Variants in USP6NL observed in about 807,000 individuals in gnomAD.
The protein encoded by USP6NL is USP6 N-terminal-like protein.
USP6NL carries 26 observed loss-of-function variants against 61.9 expected under a neutral mutation model. The observed-to-expected ratio is 0.42, with a 90% CI of 0.31 to 0.58. The LOEUF (loss-of-function observed/expected upper bound fraction) is 0.58, where lower values mean the gene tolerates loss of function less well. Among genes scored for constraint, USP6NL ranks in the 20% least tolerant of loss-of-function variants. The probability of loss-of-function intolerance (pLI) is 0.16; values close to 1 mark genes in which losing one functional copy is unlikely to be tolerated. For synonymous variants in USP6NL, 432 were observed against 390.1 expected, an observed-to-expected ratio of 1.11 and a Z score of -1.27; for missense variants, 1,114 against 1,034.3, an observed-to-expected ratio of 1.08 and a Z score of -1.06.
chr10:11,507,422 A>G (rs1591860378), intron 6 of USP6NL, among the ~76,000 whole-genome samples: 1 of 152,234 alleles, frequency 6.6e-6, no homozygotes, highest in Non-Finnish European at 1.5e-5. Context: ...AAACATCCTG[A>G]GTTCTAAACC....
At chr10:11,503,282 C>T (rs960163347) in intron 6 of USP6NL, among the ~76,000 whole-genome samples, 3 of 152,102 alleles carry the variant, frequency 2.0e-5, no homozygotes, top group East Asian at 1.9e-4. Flanking sequence ...GTAACATAAG[C>T]GCTCTGACAC....
At chr10:11,568,362 A>G (rs1246389728) in intron 2 of USP6NL, among the ~76,000 whole-genome samples, 1 of 152,176 alleles carries the variant, frequency 6.6e-6, no homozygotes, top group Non-Finnish European at 1.5e-5. Flanking sequence ...CATGACACAA[A>G]GACATTCGCT....
intron 14 of USP6NL, among the ~76,000 whole-genome samples, chr10:11,464,715 A>G (rs12356120): frequency 0.35 from 52,840 of 152,176 alleles, 9,673 homozygotes; most frequent in East Asian, 0.68. Flanking sequence ...GCCACAGGCA[A>G]ATCCTATTCT....
rs537842546 is a variant in USP6NL at position 11,468,538 on chromosome 10, G to A, written c.1079-4689C>T. Reference sequence around the variant, plus strand: ...AAATACACAGAGGCCCTTGGCTGGCGTTAGTTACAAGGACAGGGTAGGGAA... The same window carrying A: ...AAATACACAGAGGCCCTTGGCTGGCATTAGTTACAAGGACAGGGTAGGGAA... On this transcript the variant is annotated intron_variant, in intron 14 of 14. Coordinates refer to ENST00000609104, the MANE Select transcript of USP6NL (RefSeq NM_014688.5). This position sits in a 1 kb window ranked among gnomAD's most constrained non-coding sequence, Gnocchi z 4.5. Among the ~76,000 whole-genome samples the A allele has an allele frequency of 3.3e-4, 51 of 152,290 alleles. No homozygotes were observed. Among genetic ancestry groups the A allele is most frequent in the African/African-American group, 1.0e-3 (42 of 41,566 alleles).
In USP6NL at chr10:11,587,577, A is replaced by T. The variant is rs1461768802; in HGVS notation, c.4+10054T>A. Reference sequence around the variant, plus strand: ...AGAAAATGTATCAGGACAAAGAGGCACCAGGTTATGAGAACAGCTAATCTT... The same window carrying T: ...AGAAAATGTATCAGGACAAAGAGGCTCCAGGTTATGAGAACAGCTAATCTT... On this transcript the variant is annotated intron_variant, in intron 2 of 14. Coordinates refer to ENST00000609104, the MANE Select transcript of USP6NL (RefSeq NM_014688.5). This position sits in a 1 kb window ranked among gnomAD's most constrained non-coding sequence, Gnocchi z 4.5. Among the ~76,000 whole-genome samples, 1 of 152,234 alleles carries T rather than the reference A, an allele frequency of 6.6e-6. No individual in the cohort carries two copies. Among genetic ancestry groups the T allele is most frequent in the Non-Finnish European group, 1.5e-5 (1 of 68,042 alleles).
chr10:11,602,466 T>C lies in USP6NL; in HGVS notation c.-83-4749A>G, dbSNP rs1320498612. 6.6e-6 allele frequency among the ~76,000 whole-genome samples: 1 copy of C among 152,182 alleles called. No homozygotes were observed. The highest frequency in any genetic ancestry group is 1.9e-4 in the East Asian group (1 of 5,200). On this transcript the variant is annotated intron_variant, in intron 1 of 14. Coordinates refer to ENST00000609104, the MANE Select transcript of USP6NL (RefSeq NM_014688.5). The surrounding 1 kb of genome is among the most constrained non-coding windows in gnomAD (Gnocchi z 4.8). ...ATTCATTCAGTATTTACCGAGTAGC[T>C]ATTATGAGCCAGGCAGTGTACTAGG...
chr10:11,564,573 G>GCTTAATA (rs1283497131), intron 2 of USP6NL: 1 of 152,170 alleles, frequency 6.6e-6, no homozygotes, highest in Non-Finnish European at 1.5e-5. Flanking sequence ...TTGCCCTCAA[G>GCTTAATA]AAGCTCACAG....
chr10:11,527,404 G>T, intron 3 of USP6NL, 96 bp downstream of exon 3: 1 of 1,083,494 alleles, frequency 9.2e-7, no homozygotes. Flanking sequence ...TAAACAAACT[G>T]CTTCTGGAAT....
rs1224755684 is a variant in USP6NL, at chr10:11,562,352, G to A, written c.5-34785C>T. On this transcript the variant is annotated intron_variant, in intron 2 of 14. Transcript: ENST00000609104. The surrounding 1 kb of genome is among the most constrained non-coding windows in gnomAD (Gnocchi z 4.8). ...GTTCCGGCTGATGGCTTAAGGAAAAGCTTTTGCATTCCTTACACAGGTGAC... is the reference window on the plus strand; with the variant it reads ...GTTCCGGCTGATGGCTTAAGGAAAAACTTTTGCATTCCTTACACAGGTGAC... 1 of 981,002 alleles carries A rather than the reference G, an allele frequency of 1.0e-6. No individual in the cohort carries two copies. Among genetic ancestry groups the A allele is most frequent in the Non-Finnish European group, 1.2e-6 (1 of 826,068 alleles). The allele number at this position is 981,002 out of a possible 1,614,324, so 60.8% of individuals were successfully genotyped here.
chr10:11,557,854 C>T (rs1274442307), intron 2 of USP6NL, among the ~76,000 whole-genome samples: 1 of 152,192 alleles, frequency 6.6e-6, no homozygotes, highest in Non-Finnish European at 1.5e-5. Flanking sequence ...CAGTATTAGT[C>T]TGCTGGTCCA....
intron 2 of USP6NL, among the ~76,000 whole-genome samples, chr10:11,555,451 T>TATATATATATATATAG (rs1427219382): frequency 6.6e-5 from 4 of 60,998 alleles, no homozygotes; most frequent in Non-Finnish European, 1.1e-4. Context: ...TATATATATA[T>TATATATATATATATAG]AGAGAGAGAG....
intron 2 of USP6NL, among the ~76,000 whole-genome samples, chr10:11,566,391 C>T (rs368805885): frequency 1.3e-5 from 2 of 152,184 alleles, no homozygotes; most frequent in Non-Finnish European, 2.9e-5. Flanking sequence ...ATTTACCAAA[C>T]GCCACATATT....
Position 11,511,386 on chromosome 10 carries a change from C to T in USP6NL, c.196-1711G>A, listed in dbSNP as rs1834708380. On this transcript the variant is annotated intron_variant, in intron 5 of 14. Transcript: ENST00000609104. This position sits in a 1 kb window ranked among gnomAD's most constrained non-coding sequence, Gnocchi z 4.9. ...TAATTAATGTTTCTGCTAAATGTGACTTTAGAGAAGGCCAAGCTGTGAAAA... is the reference window on the plus strand; with the variant it reads ...TAATTAATGTTTCTGCTAAATGTGATTTTAGAGAAGGCCAAGCTGTGAAAA... 6.6e-6 allele frequency among the ~76,000 whole-genome samples: 1 copy of T among 152,164 alleles called. No individual in the cohort carries two copies.
At chr10:11,547,735 T>A (rs1836330067) in intron 2 of USP6NL, among the ~76,000 whole-genome samples, 1 of 151,974 alleles carries the variant, frequency 6.6e-6, no homozygotes, top group Admixed American at 6.6e-5. Flanking sequence ...AGAGACGGGG[T>A]GTCACCGTGT....
At chr10:11,480,650 A>G (rs1264696821) in intron 14 of USP6NL, among the ~76,000 whole-genome samples, 1 of 152,226 alleles carries the variant, frequency 6.6e-6, no homozygotes, top group Non-Finnish European at 1.5e-5. Context: ...ACCCTTCTCA[A>G]TTAAGTAAAT....
intron 2 of USP6NL, among the ~76,000 whole-genome samples, chr10:11,551,862 T>C (rs1422150329): frequency 6.6e-6 from 1 of 152,182 alleles, no homozygotes; most frequent in Non-Finnish European, 1.5e-5. Context: ...TTTGAAATAG[T>C]TGGGGCAGCT....
intron 2 of USP6NL, among the ~76,000 whole-genome samples, chr10:11,580,439 T>TA (rs1240782796): frequency 1.3e-5 from 2 of 152,240 alleles, no homozygotes; most frequent in African/African-American, 4.8e-5. Flanking sequence ...GTTTGCAATG[T>TA]GTATTATTTA....
At chr10:11,512,421 A>C (rs887402587) in intron 5 of USP6NL, among the ~76,000 whole-genome samples, 6 of 152,092 alleles carry the variant, frequency 3.9e-5, no homozygotes, top group African/African-American at 1.4e-4. Context: ...TCCTAGATGA[A>C]AACAGAAGCT....
chr10:11,609,045 A>C (rs1683527612), intron 1 of USP6NL, among the ~76,000 whole-genome samples: 1 of 150,826 alleles, frequency 6.6e-6, no homozygotes, highest in Non-Finnish European at 1.5e-5. Flanking sequence ...CTGACAATGG[A>C]CTATGCTTTT....
Sources: gnomAD v4.1 joint callset for allele counts (sites outside exome capture counted in the v4.1 genomes callset) on GRCh38, gnomAD v4.1.1 for gene constraint, Gnocchi (gnomAD v3.1) non-coding constraint, MANE v1.5 for transcripts, NCBI Gene and HGNC (gene_info 2026-07-23, HGNC 2026-07-21) for gene names.